Variants in CNTNAP2 observed in about 807,000 individuals in gnomAD.
The protein encoded by CNTNAP2 is contactin-associated protein-like 2.
Under a neutral mutation model 155.2 loss-of-function variants are expected in CNTNAP2, and 98 were observed. The ratio of observed to expected loss-of-function variants is 0.63; its 90% CI spans 0.54 to 0.75. The LOEUF is 0.75. Among genes scored for constraint, CNTNAP2 ranks in the 30% least tolerant of loss-of-function variants. The pLI is 0.00. For synonymous variants in CNTNAP2, 651 were observed against 631.2 expected (o/e 1.03, Z -0.47); for missense variants, 1,727 against 1,688.1 (o/e 1.02, Z -0.40).
chr7:146,965,147 A>C (rs957805676), intron 3 of CNTNAP2, among the ~76,000 whole-genome samples: 8 of 152,090 alleles, frequency 5.3e-5, no homozygotes, highest in African/African-American at 1.7e-4. Flanking sequence ...ATGTGTACAG[A>C]GGAGAGGGGG....
At chr7:147,723,867 A>T (rs528420110) in intron 13 of CNTNAP2, among the ~76,000 whole-genome samples, 12 of 152,050 alleles carry the variant, frequency 7.9e-5, no homozygotes, top group Admixed American at 3.9e-4. Flanking sequence ...TCAAATATTT[A>T]TTATTTCTTT....
At chr7:146,575,887 C>T (rs1056820402) in intron 1 of CNTNAP2, among the ~76,000 whole-genome samples, 5 of 151,946 alleles carry the variant, frequency 3.3e-5, no homozygotes, top group African/African-American at 9.7e-5. Context: ...TCTTGTCTAC[C>T]GAAAGGCTTA....
At chr7:148,046,796 T>C (rs2116487619) in intron 15 of CNTNAP2, among the ~76,000 whole-genome samples, 1 of 152,356 alleles carries the variant, frequency 6.6e-6, no homozygotes, top group Non-Finnish European at 1.5e-5. Context: ...TTATATAATC[T>C]CTATTAATGT....
intron 1 of CNTNAP2, among the ~76,000 whole-genome samples, chr7:146,606,821 TC>T (rs1799055715): frequency 1.3e-5 from 2 of 152,300 alleles, no homozygotes; most frequent in South Asian, 4.1e-4. Flanking sequence ...TCATTTACTC[TC>T]AACAAGTGAA....
chr7:147,916,636 C>G (rs1800167364), intron 14 of CNTNAP2, among the ~76,000 whole-genome samples: 1 of 146,116 alleles, frequency 6.8e-6, no homozygotes, highest in Non-Finnish European at 1.5e-5. Flanking sequence ...TAGTATTTCT[C>G]TCCACTTGCT....
At chr7:146,339,823 TA>T (rs112692568) in intron 1 of CNTNAP2, among the ~76,000 whole-genome samples, 1 of 151,794 alleles carries the variant, frequency 6.6e-6, no homozygotes, top group East Asian at 1.9e-4. Context: ...TCAGTCTAAT[TA>T]AAAAAAACCA....
intron 11 of CNTNAP2, among the ~76,000 whole-genome samples, chr7:147,498,145 A>G (rs1562967551): frequency 6.8e-6 from 1 of 148,004 alleles, no homozygotes; most frequent in Non-Finnish European, 1.5e-5. Flanking sequence ...GTGTTACAGC[A>G]CCTGATGGGA....
intron 1 of CNTNAP2, among the ~76,000 whole-genome samples, chr7:146,728,814 G>A (rs1053106471): frequency 6.6e-6 from 1 of 152,142 alleles, no homozygotes; most frequent in African/African-American, 2.4e-5. Context: ...GTACTGTGCT[G>A]CATATCAGGT....
At chr7:146,879,156 T>A (rs1795487778) in intron 3 of CNTNAP2, among the ~76,000 whole-genome samples, 1 of 152,210 alleles carries the variant, frequency 6.6e-6, no homozygotes, top group Admixed American at 6.6e-5. Flanking sequence ...CATTGCCCTG[T>A]GGCAGGCATC....
chr7:146,835,650 T>C (rs1292901570), intron 2 of CNTNAP2, among the ~76,000 whole-genome samples: 1 of 152,172 alleles, frequency 6.6e-6, no homozygotes, highest in Non-Finnish European at 1.5e-5. Flanking sequence ...AAGTAACTCA[T>C]TGTTAGTAAA....
chr7:146,457,005 A>AT (rs33998422), intron 1 of CNTNAP2, among the ~76,000 whole-genome samples: 6 of 152,182 alleles, frequency 3.9e-5, no homozygotes, highest in Admixed American at 2.6e-4. Context: ...ATTTAAATGT[A>AT]TTTTTTTCAA....
At chr7:146,709,650 G>A (rs1379234438) in intron 1 of CNTNAP2, among the ~76,000 whole-genome samples, 1 of 152,172 alleles carries the variant, frequency 6.6e-6, no homozygotes, top group East Asian at 1.9e-4. Context: ...TTATGGCAGT[G>A]TGCAGTCTGG....
chr7:147,529,709 A>G (rs1799396864), intron 11 of CNTNAP2, among the ~76,000 whole-genome samples: 1 of 152,240 alleles, frequency 6.6e-6, no homozygotes, highest in African/African-American at 2.4e-5. Flanking sequence ...TTAGGACTAC[A>G]GGTTTCCAGA....
intron 11 of CNTNAP2, among the ~76,000 whole-genome samples, chr7:147,498,846 A>G (rs2116663544): frequency 6.6e-6 from 1 of 152,328 alleles, no homozygotes; most frequent in South Asian, 2.1e-4. Context: ...CCTTAAGATG[A>G]AATAAATGAA....
intron 3 of CNTNAP2, among the ~76,000 whole-genome samples, chr7:146,900,179 G>C (rs138102570): frequency 2.6e-5 from 4 of 152,302 alleles, no homozygotes; most frequent in Admixed American, 2.0e-4. Context: ...TAAGTATACT[G>C]TCAGGAGCTT....
At chr7:148,248,014 A>G (rs1796302972) in intron 20 of CNTNAP2, among the ~76,000 whole-genome samples, 1 of 151,866 alleles carries the variant, frequency 6.6e-6, no homozygotes, top group Admixed American at 6.6e-5. Context: ...ACACACTTTA[A>G]ATGTACAGAC....
At chr7:146,411,842 A>ATTT (rs1168976551) in intron 1 of CNTNAP2, among the ~76,000 whole-genome samples, 57 of 121,938 alleles carry the variant, frequency 4.7e-4, no homozygotes, top group African/African-American at 2.0e-3. Flanking sequence ...TTATTTATTT[A>ATTT]TTTATTTTAT....
At chr7:146,399,459 A>G (rs185778123) in intron 1 of CNTNAP2, among the ~76,000 whole-genome samples, 7 of 152,288 alleles carry the variant, frequency 4.6e-5, no homozygotes, top group Admixed American at 4.6e-4. Flanking sequence ...TTCACCTAAC[A>G]TGATGATCTC....
intron 4 of CNTNAP2, among the ~76,000 whole-genome samples, chr7:147,046,985 T>G (rs1459727190): frequency 9.0e-5 from 13 of 143,956 alleles, no homozygotes; most frequent in African/African-American, 3.4e-4. Flanking sequence ...TGAGCCAAGA[T>G]TGCACCACTG....
Sources: allele counts gnomAD v4.1 joint callset (sites outside exome capture counted in the v4.1 genomes callset), GRCh38; gene constraint gnomAD v4.1.1; transcripts MANE v1.5; gene names NCBI Gene and HGNC (gene_info 2026-07-23, HGNC 2026-07-21).